The following THSD7A variants were observed in gnomAD, a reference collection of about 807,000 sequenced individuals.
THSD7A encodes thrombospondin type 1 domain containing 7A.
THSD7A carries 96 observed loss-of-function variants against 231.3 expected under a neutral mutation model. The observed-to-expected ratio is 0.41, with a 90% CI of 0.35 to 0.49. THSD7A has a LOEUF of 0.49. Ranked by LOEUF, THSD7A falls within the 20% of genes least tolerant of loss-of-function variation. THSD7A has a pLI of 0.05. For synonymous variants in THSD7A, 940 were observed against 743.3 expected (o/e 1.26, Z -4.30); for missense variants, 2,290 against 2,070.2 (o/e 1.11, Z -2.06).
chr7:11,788,625 A>G (rs1390378748), intron 1 of THSD7A, among the ~76,000 whole-genome samples: 2 of 152,056 alleles, frequency 1.3e-5, no homozygotes, highest in Non-Finnish European at 2.9e-5. Context: ...ATACATCAAC[A>G]AAGTCATTCA....
intron 1 of THSD7A, among the ~76,000 whole-genome samples, chr7:11,781,491 G>C (rs1344993861): frequency 1.3e-5 from 2 of 151,988 alleles, no homozygotes; most frequent in African/African-American, 4.8e-5. Flanking sequence ...AAAAGAAAGG[G>C]AAGGAAAAGT....
intron 1 of THSD7A, among the ~76,000 whole-genome samples, chr7:11,673,917 G>T (rs1000821477): frequency 6.6e-6 from 1 of 152,086 alleles, no homozygotes; most frequent in African/African-American, 2.4e-5. Context: ...CTGCTAGGCT[G>T]AAAAGCCCAG....
At chr7:11,786,790 A>C (rs1305371526) in intron 1 of THSD7A, among the ~76,000 whole-genome samples, 1 of 150,844 alleles carries the variant, frequency 6.6e-6, no homozygotes, top group East Asian at 1.9e-4. Flanking sequence ...AGAAAAACCA[A>C]TGTAATGCTA....
In THSD7A at chr7:11,383,340, C is replaced by T. The variant is rs907658870; in HGVS notation, c.4412-724G>A. 1.4e-4 allele frequency among the ~76,000 whole-genome samples: 22 copies of T among 152,116 alleles called. 1 individual carries two copies. Among genetic ancestry groups the T allele is most frequent in the South Asian group, 6.2e-4 (3 of 4,826 alleles). Reference sequence around the variant, plus strand: ...GGCTACATAGAATTCCATTGTACTACATAACACAGTTTATTTAGCTATTTT... The same window carrying T: ...GGCTACATAGAATTCCATTGTACTATATAACACAGTTTATTTAGCTATTTT... On this transcript the variant is annotated intron_variant, in intron 23 of 27. Transcript: ENST00000423059.
rs1185285810 is a variant in THSD7A at position 11,377,331 on chromosome 7, T to C, written c.4802-674A>G. On this transcript the variant is annotated intron_variant, in intron 26 of 27. Transcript: ENST00000423059. The surrounding 1 kb of genome is among the most constrained non-coding windows in gnomAD (Gnocchi z 4.5). ...GAACTTTTGTAATTTGGGTTTCTGG[T>C]CTCATCTTTGAACTCCTCAGTTCTA... 6.6e-6 allele frequency among the ~76,000 whole-genome samples: 1 copy of C among 152,080 alleles called. No homozygotes were observed. The highest frequency in any genetic ancestry group is 2.4e-5 in the African/African-American group (1 of 41,434).
chr7:11,476,713 G>A (rs1172199027), intron 7 of THSD7A, among the ~76,000 whole-genome samples: 1 of 151,726 alleles, frequency 6.6e-6, no homozygotes, highest in African/African-American at 2.4e-5. Context: ...TATTCAGGAG[G>A]CTGAGGCAGG....
At chr7:11,464,251 G>A (rs1785614402) in intron 9 of THSD7A, among the ~76,000 whole-genome samples, 3 of 152,094 alleles carry the variant, frequency 2.0e-5, no homozygotes, top group East Asian at 1.9e-4. Flanking sequence ...TTTTTAATGG[G>A]GAGGTAAGAC....
At chr7:11,485,484 T>C (rs73068764) in intron 6 of THSD7A, among the ~76,000 whole-genome samples, 20,760 of 152,244 alleles carry the variant, frequency 0.14, 1,584 homozygotes, top group Middle Eastern at 0.19. Context: ...TAAGAATGTA[T>C]GAATGTTGTA....
At chr7:11,421,437 A>T (rs1360146230) in intron 16 of THSD7A, among the ~76,000 whole-genome samples, 3 of 149,762 alleles carry the variant, frequency 2.0e-5, no homozygotes. Flanking sequence ...CTCCCGAGCC[A>T]TGTCTCTCCT....
At chr7:11,403,132 GAC>G (rs1208794972) in intron 22 of THSD7A, among the ~76,000 whole-genome samples, 1 of 152,128 alleles carries the variant, frequency 6.6e-6, no homozygotes, top group African/African-American at 2.4e-5. Context: ...AATTATGATA[GAC>G]ACAAATTCAC....
chr7:11,539,277 T>G (rs1002230606), intron 6 of THSD7A, among the ~76,000 whole-genome samples: 2 of 152,158 alleles, frequency 1.3e-5, no homozygotes, highest in African/African-American at 4.8e-5. Flanking sequence ...TTTGAGTGAG[T>G]TCTAGGATTC....
intron 13 of THSD7A, among the ~76,000 whole-genome samples, chr7:11,437,157 A>C (rs1206536347): frequency 6.6e-6 from 1 of 152,096 alleles, no homozygotes; most frequent in Non-Finnish European, 1.5e-5. Flanking sequence ...TGGGAAACCC[A>C]GTTTGAAAAC....
At position 11,831,862 on chromosome 7, in the gene THSD7A, G is replaced by T. The variant is rs780447325; in HGVS notation, c.85C>A (p.Pro29Thr). 6 of 1,298,652 alleles carry T rather than the reference G, an allele frequency of 4.6e-6. No individual in the cohort carries two copies. Among genetic ancestry groups the T allele is most frequent in the Non-Finnish European group, 4.9e-6 (5 of 1,024,968 alleles). The allele number at this position is 1,298,652 out of a possible 1,614,324, so 80.4% of individuals were successfully genotyped here. The part of the protein sequence containing the change: ...RRGVLQLLPL[P>T]LPLPLLLLLL... ...AGCAGGAGCAGCGGCAGCGGCAGCGGCAGCGGCAGCAGCTGCAGGACGCCC... is the reference window on the plus strand; with the variant it reads ...AGCAGGAGCAGCGGCAGCGGCAGCGTCAGCGGCAGCAGCTGCAGGACGCCC... The change falls in exon 1 of 28, where the codon CCG (proline) becomes ACG (threonine). Residue 29 changes from proline to threonine, a missense_variant. Physicochemically the swap from Pro to Thr is conservative, Grantham distance 38 (BLOSUM62 -1). Transcript: ENST00000423059. This position sits in a 1 kb window ranked among gnomAD's most constrained non-coding sequence, Gnocchi z 5.0.
At position 11,406,948 on chromosome 7, in the gene THSD7A, G is replaced by A. The variant is rs376670061; in HGVS notation, c.4024C>T (p.Arg1342Trp). Residue 1342 changes from arginine (R) to tryptophan (W), a missense_variant, in exon 21 of 28, where the codon CGG becomes TGG. Physicochemically the swap from Arg to Trp is moderately radical, Grantham distance 101 (BLOSUM62 -3). Coordinates refer to ENST00000423059, the MANE Select transcript of THSD7A (RefSeq NM_015204.3). The surrounding 1 kb of genome is among the most constrained non-coding windows in gnomAD (Gnocchi z 4.7). ...SKPCPVKPCYRWQYGQWSPCQ... is the reference protein window; with the variant it reads ...SKPCPVKPCYWWQYGQWSPCQ... ...GGAGACCACTGGCCATATTGCCACCGATAACAAGGCTTCACTGGGCAGGGT... is the reference window on the plus strand; with the variant it reads ...GGAGACCACTGGCCATATTGCCACCAATAACAAGGCTTCACTGGGCAGGGT... The A allele has an allele frequency of 4.1e-5, 66 of 1,613,664 alleles. No individual in the cohort carries two copies. Among genetic ancestry groups the A allele is most frequent in the South Asian group, 5.5e-5 (5 of 91,048 alleles).
chr7:11,728,924 T>C (rs1781633548), intron 1 of THSD7A, among the ~76,000 whole-genome samples: 1 of 151,974 alleles, frequency 6.6e-6, no homozygotes, highest in East Asian at 2.0e-4. Flanking sequence ...CTTATCACTT[T>C]ACAGAAATTT....
intron 27 of THSD7A, 28 bp from the exon 28 acceptor site, chr7:11,375,906 A>G: frequency 1.2e-6 from 2 of 1,601,204 alleles, no homozygotes; most frequent in South Asian, 1.1e-5. Context: ...ATTAGGAGAA[A>G]GAAAATCAGT....
Position 11,372,541 on chromosome 7 carries a change from A to C in THSD7A, c.*3253T>G, listed in dbSNP as rs1299569226. ...TGTCCACATATTGGATTAGTTATTG[A>C]TGAATAAGCAAATCAGCCCCTTTCA... On this transcript the variant is annotated 3_prime_UTR_variant, in exon 28 of 28. Coordinates refer to ENST00000423059, the MANE Select transcript of THSD7A (RefSeq NM_015204.3). 1.3e-5 allele frequency: 2 copies of C among 152,144 alleles called. No individual in the cohort carries two copies. Among genetic ancestry groups the C allele is most frequent in the Non-Finnish European group, 2.9e-5 (2 of 68,012 alleles). The allele number at this position is 152,144 out of a possible 1,614,324, so 9.4% of individuals were successfully genotyped here. A position where few individuals can be genotyped will look rare whatever the true frequency, so the allele number is the denominator to read the frequency against.
intron 3 of THSD7A, among the ~76,000 whole-genome samples, chr7:11,592,253 A>C (rs1780195692): frequency 6.6e-6 from 1 of 152,174 alleles, no homozygotes; most frequent in African/African-American, 2.4e-5. Flanking sequence ...ATCTGGTATA[A>C]AACATTACTA....
At chr7:11,553,928 C>A (rs368102260) in intron 4 of THSD7A, among the ~76,000 whole-genome samples, 1 of 151,820 alleles carries the variant, frequency 6.6e-6, no homozygotes, top group African/African-American at 2.4e-5. Context: ...TACTATATAA[C>A]CTCTAAAGAT....
Sources: gnomAD v4.1 joint callset for allele counts (sites outside exome capture counted in the v4.1 genomes callset) on GRCh38, gnomAD v4.1.1 for gene constraint, Gnocchi (gnomAD v3.1) non-coding constraint, MANE v1.5 for transcripts, NCBI Gene and HGNC (gene_info 2026-07-23, HGNC 2026-07-21) for gene names.